Variants in ADAM9 observed in about 807,000 individuals in gnomAD.
ADAM9 encodes disintegrin and metalloproteinase domain-containing protein 9.
ADAM9 carries 54 observed loss-of-function variants against 108.1 expected under a neutral mutation model. The ratio of observed to expected loss-of-function variants is 0.50; its 90% CI spans 0.40 to 0.63. The LOEUF (loss-of-function observed/expected upper bound fraction) is 0.63, where lower values mean the gene tolerates loss of function less well. Ranked by LOEUF, ADAM9 falls within the 20% of genes least tolerant of loss-of-function variation. ADAM9 has a pLI of 0.00. For missense variants in ADAM9, 830 were observed against 997.7 expected (o/e 0.83, Z 2.26); for synonymous variants, 316 against 336.0 (o/e 0.94, Z 0.65).
intron 12 of ADAM9, among the ~76,000 whole-genome samples, chr8:39,043,079 A>T (rs988870577): frequency 6.6e-6 from 1 of 152,124 alleles, no homozygotes; most frequent in African/African-American, 2.4e-5. Context: ...CATCTACGTT[A>T]TTGCAATGAC....
At chr8:39,022,489 T>C (rs1836779727) in intron 8 of ADAM9, among the ~76,000 whole-genome samples, 1 of 152,186 alleles carries the variant, frequency 6.6e-6, no homozygotes. Flanking sequence ...ATCAGACTCA[T>C]TGATATTTCT....
chr8:39,094,024 G>A (rs1044395159), intron 20 of ADAM9, among the ~76,000 whole-genome samples: 3 of 152,048 alleles, frequency 2.0e-5, no homozygotes, highest in African/African-American at 4.8e-5. Flanking sequence ...CACCTGCCTC[G>A]GCCTCCCAAA....
intron 12 of ADAM9, among the ~76,000 whole-genome samples, chr8:39,044,952 G>A (rs956069920): frequency 8.5e-4 from 126 of 147,694 alleles, no homozygotes; most frequent in Admixed American, 1.5e-3. Flanking sequence ...CTATGTATGT[G>A]TATATGTGTG....
In ADAM9 at chr8:39,023,113, G is replaced by T. The variant is rs375454495; in HGVS notation, c.745-43G>T. 9.1e-6 allele frequency: 14 copies of T among 1,541,880 alleles called. No individual in the cohort carries two copies. In the East Asian group the frequency reaches 1.7e-4, roughly 18 times the overall value. ...CATGTGGTTAAAAGATTTTTCTCAC[G>T]TTCTTTACTATATTTTATATACTTT... On this transcript the variant is annotated intron_variant, in intron 8 of 21. Transcript: ENST00000487273.
intron 8 of ADAM9, 102 bp from the exon 9 acceptor site, chr8:39,023,050 TAGGC>T (rs1453436283): frequency 9.8e-7 from 1 of 1,016,956 alleles, no homozygotes; most frequent in Non-Finnish European, 1.4e-6. Flanking sequence ...TAGTTTTTTT[TAGGC>T]AGGGGAGTTT....
chr8:39,078,723 G>A (rs929949308), intron 16 of ADAM9, among the ~76,000 whole-genome samples: 2 of 152,178 alleles, frequency 1.3e-5, no homozygotes, highest in Non-Finnish European at 2.9e-5. Context: ...ACAGGTTGCA[G>A]TGAGCCGAGA....
At chr8:39,005,366 A>G (rs1171866040) in intron 1 of ADAM9, among the ~76,000 whole-genome samples, 3 of 152,234 alleles carry the variant, frequency 2.0e-5, no homozygotes, top group African/African-American at 7.2e-5. Context: ...TTAAGAAAAC[A>G]TTCAGTAAGC....
chr8:39,023,070 T>G (rs1219707119), intron 8 of ADAM9, 86 bp from the exon 9 acceptor site: 4 of 1,223,724 alleles, frequency 3.3e-6, no homozygotes, highest in African/African-American at 1.5e-5. Flanking sequence ...AGTTTTAATT[T>G]AAGTAGCCGT....
chr8:39,087,131 A>G (rs1289539759), intron 18 of ADAM9, among the ~76,000 whole-genome samples: 1 of 152,140 alleles, frequency 6.6e-6, no homozygotes, highest in African/African-American at 2.4e-5. Flanking sequence ...TCAGAATACC[A>G]GCTCCATCTC....
At chr8:39,060,220 C>T (rs1473897251) in intron 14 of ADAM9, among the ~76,000 whole-genome samples, 2 of 152,200 alleles carry the variant, frequency 1.3e-5, no homozygotes, top group South Asian at 4.1e-4. Flanking sequence ...GCTCCAAAAT[C>T]CTAAATGCCT....
chr8:39,051,147 C>G (rs1329179968), intron 12 of ADAM9, among the ~76,000 whole-genome samples: 2 of 152,094 alleles, frequency 1.3e-5, no homozygotes, highest in South Asian at 2.1e-4. Context: ...ATTCCAGGTC[C>G]TATATGTTGT....
At chr8:39,001,299 T>C (rs1293966602) in intron 1 of ADAM9, among the ~76,000 whole-genome samples, 3 of 152,256 alleles carry the variant, frequency 2.0e-5, no homozygotes, top group Non-Finnish European at 1.5e-5. Flanking sequence ...AAAGTAAGGT[T>C]CACTTTAAGT....
chr8:39,085,171 A>T (rs1424757852), intron 18 of ADAM9, among the ~76,000 whole-genome samples: 1 of 152,110 alleles, frequency 6.6e-6, no homozygotes, highest in Non-Finnish European at 1.5e-5. Context: ...TTTATATTTA[A>T]CTTGACTATT....
chr8:39,092,633 G>GT (rs1205821522), intron 20 of ADAM9, among the ~76,000 whole-genome samples: 1 of 150,772 alleles, frequency 6.6e-6, no homozygotes, highest in Non-Finnish European at 1.5e-5. Flanking sequence ...AACAGTAGTG[G>GT]TAAAAAAAAA....
Position 39,041,976 on chromosome 8 carries a change from A to G in ADAM9, c.1161A>G (p.Ala387=), listed in dbSNP as rs1332311962. The change falls in exon 12 of 22, where the codon GCA becomes GCG. Residue 387 remains alanine, a synonymous_variant. Transcript: ENST00000487273. Reference sequence around the variant, plus strand: ...CCAGAAACTTTAGCAGTTGCAGTGCAGAGGACTTTGAGAAGTTAACTTTAA... The same window carrying G: ...CCAGAAACTTTAGCAGTTGCAGTGCGGAGGACTTTGAGAAGTTAACTTTAA... ...SGSRNFSSCS[A]EDFEKLTLNK... is the part of the protein sequence containing the mutation. 1.2e-6 allele frequency: 2 copies of G among 1,613,986 alleles called. No homozygotes were observed. Among genetic ancestry groups the G allele is most frequent in the African/African-American group, 2.7e-5 (2 of 74,942 alleles).
Position 39,082,981 on chromosome 8 carries a change from A to G in ADAM9, c.1976A>G (p.Asn659Ser). 3 of 1,613,590 alleles carry G rather than the reference A, an allele frequency of 1.9e-6. No individual in the cohort carries two copies. Among genetic ancestry groups the G allele is most frequent in the Non-Finnish European group, 2.5e-6 (3 of 1,179,528 alleles). Residue 659 changes from asparagine to serine, a missense_variant, in exon 18 of 22, where the codon AAT becomes AGT. Transcript: ENST00000487273. ...KCHGHGVCNS[N>S]KNCHCENGWA... ...ATTGTTTTGAAGGTATGTAATAGCAATAAGAATTGTCACTGTGAAAATGGC... is the reference window on the plus strand; with the variant it reads ...ATTGTTTTGAAGGTATGTAATAGCAGTAAGAATTGTCACTGTGAAAATGGC...
At chr8:39,064,995 G>C (rs919192129) in intron 14 of ADAM9, among the ~76,000 whole-genome samples, 3 of 152,026 alleles carry the variant, frequency 2.0e-5, no homozygotes, top group African/African-American at 7.2e-5. Flanking sequence ...CCTTGATGTG[G>C]GTTTGTTTTT....
chr8:39,001,573 A>G (rs1588316286), intron 1 of ADAM9, among the ~76,000 whole-genome samples: 1 of 152,378 alleles, frequency 6.6e-6, no homozygotes, highest in South Asian at 2.1e-4. Flanking sequence ...TTCTTTTTAA[A>G]TGTAAAGATG....
At chr8:39,000,942 G>A (rs969848924) in intron 1 of ADAM9, among the ~76,000 whole-genome samples, 1 of 152,134 alleles carries the variant, frequency 6.6e-6, no homozygotes, top group Non-Finnish European at 1.5e-5. Context: ...ATAATGTAGG[G>A]CAGAACTCAA....
Sources: allele counts gnomAD v4.1 joint callset (sites outside exome capture counted in the v4.1 genomes callset), GRCh38; gene constraint gnomAD v4.1.1; transcripts MANE v1.5; gene names NCBI Gene and HGNC (gene_info 2026-07-23, HGNC 2026-07-21).